TMPRSS11D: variants seen among roughly 807,000 people sequenced by gnomAD.
TMPRSS11D encodes transmembrane serine protease 11D.
In TMPRSS11D, 32 loss-of-function variants were observed where a neutral mutation model predicts 44.4. The ratio of observed to expected loss-of-function variants is 0.72; its 90% CI spans 0.54 to 0.97. The LOEUF (loss-of-function observed/expected upper bound fraction) is 0.97, where lower values mean the gene tolerates loss of function less well. Among genes scored for constraint, TMPRSS11D ranks in the 50% least tolerant of loss-of-function variants. TMPRSS11D has a pLI of 0.00. For missense variants in TMPRSS11D, 446 were observed against 502.6 expected (o/e 0.89, Z 1.08); for synonymous variants, 179 against 177.9 (o/e 1.01, Z -0.05).
At chr4:67,824,717 G>A (rs984362516) in intron 9 of TMPRSS11D, among the ~76,000 whole-genome samples, 3 of 152,170 alleles carry the variant, frequency 2.0e-5, no homozygotes, top group East Asian at 1.9e-4. Flanking sequence ...AAGACCATGA[G>A]CACTAAATAT....
intron 1 of TMPRSS11D, among the ~76,000 whole-genome samples, chr4:67,875,443 C>G (rs1479009686): frequency 6.6e-6 from 1 of 152,200 alleles, no homozygotes; most frequent in Non-Finnish European, 1.5e-5. Flanking sequence ...TCTTCCTTCC[C>G]ATGGCTAGCC....
intron 3 of TMPRSS11D, among the ~76,000 whole-genome samples, chr4:67,844,977 A>G (rs1170297926): frequency 6.6e-6 from 1 of 152,176 alleles, no homozygotes; most frequent in Non-Finnish European, 1.5e-5. Flanking sequence ...CTTTAATCGA[A>G]GTAGAAAAAA....
chr4:67,822,607 A>T (rs919709102), intron 9 of TMPRSS11D, 109 bp from the exon 10 acceptor site: 2 of 1,216,232 alleles, frequency 1.6e-6, no homozygotes, highest in Non-Finnish European at 2.3e-6. Flanking sequence ...TTATACAAAT[A>T]AAGTCAGCCT....
chr4:67,824,945 T>C (rs1717755968), intron 9 of TMPRSS11D, among the ~76,000 whole-genome samples: 1 of 152,164 alleles, frequency 6.6e-6, no homozygotes, highest in Non-Finnish European at 1.5e-5. Context: ...ACTGCATCAA[T>C]TATGTTTAGA....
At chr4:67,877,452 G>A (rs935968887) in intron 1 of TMPRSS11D, among the ~76,000 whole-genome samples, 1 of 152,146 alleles carries the variant, frequency 6.6e-6, no homozygotes, top group African/African-American at 2.4e-5. Context: ...GATTCAGAGA[G>A]AGATAAACCA....
intron 5 of TMPRSS11D, 155 bp downstream of exon 5, chr4:67,838,017 A>G (rs1718139271): frequency 7.9e-6 from 4 of 508,902 alleles, no homozygotes; most frequent in Non-Finnish European, 1.3e-5. Flanking sequence ...GATTTACGTT[A>G]GGGAGCTATA....
intron 2 of TMPRSS11D, among the ~76,000 whole-genome samples, chr4:67,856,152 T>G (rs1309782301): frequency 2.6e-5 from 4 of 152,134 alleles, no homozygotes; most frequent in South Asian, 4.1e-4. Flanking sequence ...AAAATTTGTA[T>G]GAAACAAAGA....
rs145154073 is a variant in TMPRSS11D at position 67,825,798 on chromosome 4, A to G, written c.1029T>C (p.Tyr343=). 9.9e-6 allele frequency: 16 copies of G among 1,613,254 alleles called. No individual in the cohort carries two copies. The highest frequency in any genetic ancestry group is 1.4e-5 in the Non-Finnish European group (16 of 1,179,496). Residue 343 remains tyrosine (Y), a synonymous_variant, in exon 9 of 10, where the codon TAT becomes TAC. Transcript: ENST00000283916. ...SNDVCNAPHS[Y]NGAILSGMLC... ...GCATTCCAGACAAGATGGCTCCATT[A>G]TAACTATGTGGTGCATTACATACAT... is the stretch of plus-strand genomic sequence containing the variant.
chr4:67,871,942 C>G (rs558389294), intron 1 of TMPRSS11D, among the ~76,000 whole-genome samples: 7 of 152,126 alleles, frequency 4.6e-5, no homozygotes, highest in Non-Finnish European at 1.0e-4. Context: ...TTTGTTGACT[C>G]TACTGGTGTT....
rs1719387927 is a variant in TMPRSS11D, at chr4:67,883,948, A to T, written c.-15T>A. ...TACCTATACATTTTAATCCTTAATG[A>T]AGAGGTTCTTTTTTCTGCCTACTCA... On this transcript the variant is annotated 5_prime_UTR_variant, in exon 1 of 10. Transcript: ENST00000283916. The T allele has an allele frequency of 6.2e-7, 1 of 1,601,434 alleles. No individual in the cohort carries two copies. The highest frequency in any genetic ancestry group is 2.3e-5 in the East Asian group (1 of 44,148).
chr4:67,845,842 CAA>C (rs1458665622), intron 3 of TMPRSS11D, among the ~76,000 whole-genome samples: 103 of 152,022 alleles, frequency 6.8e-4, no homozygotes, highest in Admixed American at 6.7e-3. Context: ...AAAATTCTAA[CAA>C]AGTGAACATC....
intron 1 of TMPRSS11D, among the ~76,000 whole-genome samples, chr4:67,867,348 C>G (rs892967832): frequency 2.2e-4 from 33 of 152,038 alleles, no homozygotes; most frequent in African/African-American, 7.5e-4. Flanking sequence ...GGATTAAAGA[C>G]TTAAATTTAT....
At chr4:67,843,104 CT>C (rs35756612) in intron 3 of TMPRSS11D, among the ~76,000 whole-genome samples, 70,480 of 109,352 alleles carry the variant, frequency 0.64, 23,157 homozygotes, top group Middle Eastern at 0.8. Context: ...AAAGGGCAGT[CT>C]TTTTTTTTTT....
intron 7 of TMPRSS11D, among the ~76,000 whole-genome samples, chr4:67,828,035 G>T (rs1717848122): frequency 1.5e-5 from 2 of 137,546 alleles, no homozygotes; most frequent in African/African-American, 5.2e-5. Flanking sequence ...TGAAGATTTT[G>T]GTGTGTGTGT....
intron 2 of TMPRSS11D, among the ~76,000 whole-genome samples, chr4:67,855,008 G>A (rs1560544449): frequency 1.1e-5 from 1 of 92,668 alleles, no homozygotes; most frequent in South Asian, 4.2e-4. Context: ...TGTAATCCCA[G>A]CACTTTGGGA....
In TMPRSS11D at chr4:67,827,500, C is replaced by T; in HGVS notation, c.713G>A (p.Trp238Ter). Reference protein sequence around the residue: ...CFRSNSNPRDWIATSGISTTF... With the variant: ...CFRSNSNPRD The stretch of plus-strand genomic sequence containing the variant: ...TGTGGAAATACCAGACGTGGCAATC[C>T]AGTCACGAGGATTAGAGTTGCTAAA... Residue 238 changes from tryptophan (W) to a stop codon, truncating the protein, a stop_gained, in exon 8 of 10, where the codon TGG (tryptophan) becomes TAG (stop). Coordinates refer to ENST00000283916, the MANE Select transcript of TMPRSS11D (RefSeq NM_004262.3). LOFTEE classifies it high-confidence loss of function. 2.5e-6 allele frequency: 4 copies of T among 1,605,384 alleles called. No homozygotes were observed. The highest frequency in any genetic ancestry group is 3.4e-6 in the Non-Finnish European group (4 of 1,175,384).
chr4:67,874,887 T>G (rs1052013106), intron 1 of TMPRSS11D, among the ~76,000 whole-genome samples: 2 of 152,204 alleles, frequency 1.3e-5, no homozygotes, highest in African/African-American at 2.4e-5. Context: ...TTTAACTATA[T>G]CTACTAAATC....
intron 2 of TMPRSS11D, among the ~76,000 whole-genome samples, chr4:67,857,086 A>G (rs1377664930): frequency 6.6e-6 from 1 of 152,038 alleles, no homozygotes; most frequent in African/African-American, 2.4e-5. Context: ...GATTTCTCAT[A>G]AAACTAAAAT....
chr4:67,859,182 T>C (rs1642070297), intron 2 of TMPRSS11D, among the ~76,000 whole-genome samples: 1 of 152,134 alleles, frequency 6.6e-6, no homozygotes, highest in Non-Finnish European at 1.5e-5. Context: ...TATTTCACTG[T>C]TATGATTTTA....
Sources: allele counts gnomAD v4.1 joint callset (sites outside exome capture counted in the v4.1 genomes callset), GRCh38; gene constraint gnomAD v4.1.1; transcripts MANE v1.5; gene names NCBI Gene and HGNC (gene_info 2026-07-23, HGNC 2026-07-21).